Variants in SUCLG2 observed in about 807,000 individuals in gnomAD.
SUCLG2 encodes succinate--CoA ligase [GDP-forming] subunit beta, mitochondrial.
In SUCLG2, 42 loss-of-function variants were observed where a neutral mutation model predicts 47.9. The observed-to-expected ratio is 0.88, with a 90% CI of 0.69 to 1.14. SUCLG2 has a LOEUF of 1.14. SUCLG2 is among the 50% of genes most tolerant of loss of function. The pLI is 0.00. For synonymous variants in SUCLG2, 195 were observed against 197.3 expected (o/e 0.99, Z 0.10); for missense variants, 571 against 525.9 (o/e 1.09, Z -0.84).
intron 9 of SUCLG2, among the ~76,000 whole-genome samples, chr3:67,432,671 C>A (rs1703516962): frequency 6.6e-6 from 1 of 152,196 alleles, no homozygotes; most frequent in Non-Finnish European, 1.5e-5. Flanking sequence ...AACATGGTGA[C>A]CCCGATCTGC....
intron 4 of SUCLG2, among the ~76,000 whole-genome samples, chr3:67,527,726 A>C (rs1157541542): frequency 6.6e-6 from 1 of 152,216 alleles, no homozygotes; most frequent in East Asian, 1.9e-4. Flanking sequence ...TGGGGCATTT[A>C]GAAAAACAAC....
chr3:67,535,336 T>A lies in SUCLG2; in HGVS notation c.227-6150A>T, dbSNP rs190860219. ...CACGTCTAAAAGTGAGGTTGGAGGGTCCTAGGAGTCCCCAGCCAGCCAAGC... is the reference window on the plus strand; with the variant it reads ...CACGTCTAAAAGTGAGGTTGGAGGGACCTAGGAGTCCCCAGCCAGCCAAGC... On this transcript the variant is annotated intron_variant, in intron 2 of 10. Coordinates refer to ENST00000307227, the MANE Select transcript of SUCLG2 (RefSeq NM_003848.4). Among the ~76,000 whole-genome samples the A allele has an allele frequency of 7.1e-3, 1,074 of 151,142 alleles. 4 individuals carry two copies. The highest frequency in any genetic ancestry group is 0.048 in the Middle Eastern group (14 of 292).
intron 9 of SUCLG2, among the ~76,000 whole-genome samples, chr3:67,416,500 T>G (rs978086944): frequency 6.6e-6 from 1 of 152,226 alleles, no homozygotes; most frequent in African/African-American, 2.4e-5. Context: ...TAGCTTTTTT[T>G]TCTTAATCAG....
At chr3:67,366,588 A>C (rs1701878334) in intron 10 of SUCLG2, among the ~76,000 whole-genome samples, 1 of 152,154 alleles carries the variant, frequency 6.6e-6, no homozygotes, top group Non-Finnish European at 1.5e-5. Flanking sequence ...TCTATTTTAA[A>C]ATGGTGTATT....
intron 2 of SUCLG2, among the ~76,000 whole-genome samples, chr3:67,580,183 CCTCT>C (rs1707845332): frequency 6.6e-6 from 1 of 151,910 alleles, no homozygotes; most frequent in Non-Finnish European, 1.5e-5. Context: ...AAAAATCCCT[CCTCT>C]TTTTTTTCTA....
chr3:67,485,457 G>T (rs1268371847), intron 9 of SUCLG2, among the ~76,000 whole-genome samples: 1 of 152,032 alleles, frequency 6.6e-6, no homozygotes, highest in South Asian at 2.1e-4. Context: ...CATGCTTTTT[G>T]AAAGATATTT....
At chr3:67,527,925 A>C (rs150068259) in intron 4 of SUCLG2, among the ~76,000 whole-genome samples, 148 of 152,352 alleles carry the variant, frequency 9.7e-4, no homozygotes, top group African/African-American at 3.5e-3. Flanking sequence ...AATGCTAATG[A>C]TAATAAATAA....
intron 10 of SUCLG2, among the ~76,000 whole-genome samples, chr3:67,397,607 T>C (rs367673261): frequency 1.3e-5 from 2 of 152,208 alleles, no homozygotes; most frequent in Middle Eastern, 3.4e-3. Context: ...AGGTAATTTA[T>C]AGATTCAATG....
intron 9 of SUCLG2, among the ~76,000 whole-genome samples, chr3:67,481,673 T>C (rs1004840106): frequency 6.6e-6 from 1 of 152,202 alleles, no homozygotes; most frequent in African/African-American, 2.4e-5. Context: ...AAGTATAATA[T>C]TGCTCTATAC....
intron 1 of SUCLG2, among the ~76,000 whole-genome samples, chr3:67,636,498 G>A (rs891956444): frequency 4.0e-5 from 6 of 151,760 alleles, no homozygotes; most frequent in Non-Finnish European, 5.9e-5. Context: ...GACTACAGGC[G>A]CCCGCCACTG....
chr3:67,491,731 T>C (rs1221614317), intron 9 of SUCLG2, among the ~76,000 whole-genome samples: 1 of 152,200 alleles, frequency 6.6e-6, no homozygotes, highest in Non-Finnish European at 1.5e-5. Flanking sequence ...GCTGTATACT[T>C]AAAATTTGTA....
rs574392351 is a variant in SUCLG2, at chr3:67,541,392, G to A, written c.227-12206C>T. Among the ~76,000 whole-genome samples, 8 of 152,228 alleles carry A rather than the reference G, an allele frequency of 5.3e-5. 1 individual carries two copies. Among genetic ancestry groups the A allele is most frequent in the African/African-American group, 1.7e-4 (7 of 41,556 alleles). On this transcript the variant is annotated intron_variant, in intron 2 of 10. Coordinates refer to ENST00000307227, the MANE Select transcript of SUCLG2 (RefSeq NM_003848.4). ...CCTAATGGAGCTGAAGGATACACAA[G>A]TATCAATAGCTAGATCGATCAAGTG...
At chr3:67,579,714 A>G (rs1192563731) in intron 2 of SUCLG2, among the ~76,000 whole-genome samples, 1 of 152,234 alleles carries the variant, frequency 6.6e-6, no homozygotes, top group East Asian at 1.9e-4. Context: ...GGGTGGTGTT[A>G]GAAAAAATCA....
chr3:67,474,523 C>T (rs1704694277), intron 9 of SUCLG2, among the ~76,000 whole-genome samples: 1 of 152,114 alleles, frequency 6.6e-6, no homozygotes, highest in Non-Finnish European at 1.5e-5. Flanking sequence ...AAGAATATGC[C>T]AAGTCTTCCT....
chr3:67,507,481 A>G (rs1705669038), intron 7 of SUCLG2, among the ~76,000 whole-genome samples: 1 of 150,968 alleles, frequency 6.6e-6, no homozygotes, highest in Admixed American at 6.7e-5. Context: ...TTTTCACAAC[A>G]CTCTATGAGC....
chr3:67,423,202 G>A (rs545104667), intron 9 of SUCLG2, among the ~76,000 whole-genome samples: 38 of 152,166 alleles, frequency 2.5e-4, no homozygotes, highest in African/African-American at 8.4e-4. Context: ...TGAGTCTCAC[G>A]AGATCTGATG....
At chr3:67,467,526 C>A (rs1164192662) in intron 9 of SUCLG2, among the ~76,000 whole-genome samples, 1 of 152,114 alleles carries the variant, frequency 6.6e-6, no homozygotes, top group East Asian at 1.9e-4. Context: ...AGAATGATGT[C>A]TTTGGAAACT....
intron 1 of SUCLG2, among the ~76,000 whole-genome samples, chr3:67,629,379 T>C (rs1483029689): frequency 6.6e-6 from 1 of 152,194 alleles, no homozygotes; most frequent in East Asian, 1.9e-4. Context: ...ACTGCTCAGG[T>C]TCAATAAGTC....
chr3:67,409,086 A>T, intron 9 of SUCLG2: 1 of 763,398 alleles, frequency 1.3e-6, no homozygotes, highest in East Asian at 4.9e-5. Context: ...TTGTGGACCA[A>T]TGGGTTTTAG....
Sources: gnomAD v4.1 joint callset for allele counts (sites outside exome capture counted in the v4.1 genomes callset) on GRCh38, gnomAD v4.1.1 for gene constraint, MANE v1.5 for transcripts, NCBI Gene and HGNC (gene_info 2026-07-23, HGNC 2026-07-21) for gene names.